Variants in SLIT3 observed in about 807,000 individuals in gnomAD.
The protein encoded by SLIT3 is slit homolog 3 protein.
A neutral mutation model predicts 184.0 loss-of-function variants in SLIT3; 68 were observed. That is an observed-to-expected ratio of 0.37 (90% CI 0.30 to 0.45). SLIT3 has a LOEUF of 0.45. Ranked by LOEUF, SLIT3 falls within the 20% of genes least tolerant of loss-of-function variation. The probability of loss-of-function intolerance (pLI) is 1.00; values close to 1 mark genes in which losing one functional copy is unlikely to be tolerated. For missense variants in SLIT3, 1,707 were observed against 2,026.0 expected (o/e 0.84, Z 3.02); for synonymous variants, 831 against 828.6 (o/e 1.00, Z -0.05).
At chr5:169,016,784 G>A (rs1309644622) in intron 4 of SLIT3, among the ~76,000 whole-genome samples, 1 of 152,210 alleles carries the variant, frequency 6.6e-6, no homozygotes, top group African/African-American at 2.4e-5. Flanking sequence ...AAGGCTTGGT[G>A]TGATTTTTCA....
At chr5:168,877,024 T>C (rs1196952507) in intron 5 of SLIT3, among the ~76,000 whole-genome samples, 1 of 152,212 alleles carries the variant, frequency 6.6e-6, no homozygotes, top group Admixed American at 6.5e-5. Flanking sequence ...TTTCAATACA[T>C]TTCTAGTCCA....
intron 4 of SLIT3, among the ~76,000 whole-genome samples, chr5:169,061,803 T>C (rs1758182262): frequency 6.6e-6 from 1 of 152,114 alleles, no homozygotes; most frequent in South Asian, 2.1e-4. Flanking sequence ...TCATGACGGA[T>C]ACCCTCAGAA....
chr5:168,784,078 A>G (rs1322646562), intron 12 of SLIT3, among the ~76,000 whole-genome samples: 1 of 152,132 alleles, frequency 6.6e-6, no homozygotes, highest in Non-Finnish European at 1.5e-5. Flanking sequence ...TAATGTGTGC[A>G]AAGCCATTTT....
intron 1 of SLIT3, among the ~76,000 whole-genome samples, chr5:169,295,139 T>C (rs1767461980): frequency 6.6e-6 from 1 of 152,250 alleles, no homozygotes; most frequent in Non-Finnish European, 1.5e-5. Flanking sequence ...GATGGCACTA[T>C]GACATTACAA....
At chr5:168,917,547 T>C (rs1761485100) in intron 4 of SLIT3, among the ~76,000 whole-genome samples, 1 of 152,214 alleles carries the variant, frequency 6.6e-6, no homozygotes, top group South Asian at 2.1e-4. Flanking sequence ...AATAACAATT[T>C]TTTACAAGAC....
intron 1 of SLIT3, chr5:169,263,613 C>A (rs768753960): frequency 4.2e-6 from 2 of 479,470 alleles, no homozygotes; most frequent in Admixed American, 2.7e-5. Flanking sequence ...GTTACAGCAG[C>A]CCTAGCATAC....
chr5:169,179,527 C>T (rs1474539153), intron 4 of SLIT3, among the ~76,000 whole-genome samples: 2 of 152,170 alleles, frequency 1.3e-5, no homozygotes, highest in Non-Finnish European at 2.9e-5. Context: ...CCCTCCCCAG[C>T]TCTCAGTCTC....
At chr5:168,697,793 T>C (rs935808196) in intron 27 of SLIT3, among the ~76,000 whole-genome samples, 1 of 152,184 alleles carries the variant, frequency 6.6e-6, no homozygotes, top group African/African-American at 2.4e-5. Context: ...TGGGCACTCA[T>C]GAAAAAGGCT....
chr5:169,264,342 T>C (rs1766318081), intron 1 of SLIT3, among the ~76,000 whole-genome samples: 1 of 152,078 alleles, frequency 6.6e-6, no homozygotes, highest in Non-Finnish European at 1.5e-5. Context: ...TACATGCATG[T>C]ACCACCATGC....
intron 7 of SLIT3, among the ~76,000 whole-genome samples, chr5:168,818,462 G>A (rs1326781062): frequency 6.6e-6 from 1 of 152,164 alleles, no homozygotes; most frequent in African/African-American, 2.4e-5. Context: ...TTCCCCCAAG[G>A]TCTCTCTATC....
At chr5:168,693,335 A>G (rs962548740) in intron 28 of SLIT3, among the ~76,000 whole-genome samples, 2 of 152,182 alleles carry the variant, frequency 1.3e-5, no homozygotes, top group Admixed American at 6.5e-5. Context: ...AGCCCCTTGG[A>G]TTTTTCAGGG....
At chr5:169,179,829 C>A (rs1329682311) in intron 4 of SLIT3, among the ~76,000 whole-genome samples, 1 of 152,056 alleles carries the variant, frequency 6.6e-6, no homozygotes, top group Admixed American at 6.6e-5. Context: ...TTGGAGAGAC[C>A]AGGTTCCTTC....
chr5:168,880,032 A>G (rs1487257816), intron 5 of SLIT3, among the ~76,000 whole-genome samples: 1 of 152,152 alleles, frequency 6.6e-6, no homozygotes, highest in African/African-American at 2.4e-5. Flanking sequence ...TTCCTTTTCC[A>G]TGGCCTCTAG....
intron 8 of SLIT3, among the ~76,000 whole-genome samples, chr5:168,807,334 AAG>A (rs1403861527): frequency 2.0e-5 from 3 of 152,222 alleles, no homozygotes; most frequent in Non-Finnish European, 4.4e-5. Context: ...TCAAGATTCA[AAG>A]AGTCACCAGG....
intron 4 of SLIT3, among the ~76,000 whole-genome samples, chr5:168,914,220 A>AT (rs1161993070): frequency 6.6e-6 from 1 of 152,186 alleles, no homozygotes; most frequent in Non-Finnish European, 1.5e-5. Flanking sequence ...GTGCACTTAA[A>AT]TTTTTGATAA....
At chr5:169,156,408 C>G (rs1292820122) in intron 4 of SLIT3, among the ~76,000 whole-genome samples, 1 of 152,210 alleles carries the variant, frequency 6.6e-6, no homozygotes, top group East Asian at 1.9e-4. Context: ...TCTCTCACCC[C>G]CAATGGCTAA....
At chr5:168,978,256 A>T (rs1299324152) in intron 4 of SLIT3, among the ~76,000 whole-genome samples, 1 of 152,218 alleles carries the variant, frequency 6.6e-6, no homozygotes, top group Non-Finnish European at 1.5e-5. Flanking sequence ...TTGGAGGATT[A>T]CCTAAGGTCT....
At chr5:169,069,588 G>A (rs542072825) in intron 4 of SLIT3, among the ~76,000 whole-genome samples, 1 of 152,252 alleles carries the variant, frequency 6.6e-6, no homozygotes, top group African/African-American at 2.4e-5. Context: ...TGGGAGCACT[G>A]GACACTTAGC....
At chr5:168,882,759 C>G (rs895934661) in intron 5 of SLIT3, among the ~76,000 whole-genome samples, 2 of 152,144 alleles carry the variant, frequency 1.3e-5, no homozygotes, top group African/African-American at 2.4e-5. Context: ...CTATGTCTCT[C>G]CAACTTCCTG....
Sources: gnomAD v4.1 joint callset for allele counts (sites outside exome capture counted in the v4.1 genomes callset) on GRCh38, gnomAD v4.1.1 for gene constraint, MANE v1.5 for transcripts, NCBI Gene and HGNC (gene_info 2026-07-23, HGNC 2026-07-21) for gene names.